Variants in CDH18 observed in about 807,000 individuals in gnomAD.
The protein encoded by CDH18 is cadherin-18.
In CDH18, 31 loss-of-function variants were observed where a neutral mutation model predicts 67.9. That is an observed-to-expected ratio of 0.46 (90% CI 0.34 to 0.62). CDH18 has a LOEUF of 0.62. Among genes scored for constraint, CDH18 ranks in the 20% least tolerant of loss-of-function variants. The pLI is 0.01. For synonymous variants in CDH18, 362 were observed against 347.2 expected (o/e 1.04, Z -0.48); for missense variants, 890 against 975.5 (o/e 0.91, Z 1.17).
intron 1 of CDH18, among the ~76,000 whole-genome samples, chr5:20,419,756 C>T (rs1288577572): frequency 1.3e-5 from 2 of 150,772 alleles, no homozygotes; most frequent in South Asian, 2.1e-4. Flanking sequence ...GGATTACAGG[C>T]GTGAGCCGCC....
chr5:20,452,214 G>A (rs1219842999), intron 1 of CDH18, among the ~76,000 whole-genome samples: 1 of 152,092 alleles, frequency 6.6e-6, no homozygotes, highest in East Asian at 1.9e-4. Flanking sequence ...AAAAATAATG[G>A]CATTATCATG....
rs186693353 is a variant in CDH18, at chr5:20,306,051, G to A, written c.-579-50546C>T. Among the ~76,000 whole-genome samples the A allele has an allele frequency of 6.0e-4, 91 of 152,282 alleles. 1 individual carries two copies. The highest frequency in any genetic ancestry group is 1.2e-3 in the Non-Finnish European group (81 of 68,024). On this transcript the variant is annotated intron_variant, in intron 1 of 14. Coordinates refer to the CDH18 transcript ENST00000507958. ...AGGAACGTGTTAAATCGTTTGCTGAGTAAAAGAGACAGTGCGATCAGAACT... is the reference window on the plus strand; with the variant it reads ...AGGAACGTGTTAAATCGTTTGCTGAATAAAAGAGACAGTGCGATCAGAACT...
chr5:20,424,545 A>G (rs1580970395), intron 1 of CDH18, among the ~76,000 whole-genome samples: 1 of 150,064 alleles, frequency 6.7e-6, no homozygotes, highest in East Asian at 2.0e-4. Flanking sequence ...TAAGGTCAGG[A>G]GTTCGAGACC....
chr5:19,539,895 A>T (rs1749978851), intron 9 of CDH18, among the ~76,000 whole-genome samples: 1 of 152,140 alleles, frequency 6.6e-6, no homozygotes, highest in South Asian at 2.1e-4. Flanking sequence ...AAACCATATT[A>T]TTCCACTCCT....
chr5:20,501,566 T>TAAA (rs1754295746), intron 1 of CDH18, among the ~76,000 whole-genome samples: 2 of 9,228 alleles, frequency 2.2e-4, no homozygotes, highest in Non-Finnish European at 5.4e-4. Context: ...AATATATATA[T>TAAA]ATAATATATA....
At chr5:20,527,390 C>T (rs1756138386) in intron 1 of CDH18, among the ~76,000 whole-genome samples, 1 of 151,926 alleles carries the variant, frequency 6.6e-6, no homozygotes, top group Non-Finnish European at 1.5e-5. Context: ...AGCCATTATT[C>T]AGATTCAGGA....
At chr5:19,495,681 T>A (rs1742181027) in intron 11 of CDH18, among the ~76,000 whole-genome samples, 1 of 130,470 alleles carries the variant, frequency 7.7e-6, no homozygotes, top group South Asian at 2.3e-4. Context: ...ATCCCGCCAT[T>A]GCACTACAGC....
chr5:20,449,540 T>C lies in CDH18; in HGVS notation c.-580+125922A>G, dbSNP rs548495007. The stretch of plus-strand genomic sequence containing the variant: ...TGGATTGATAGATCTATAACTGGTC[T>C]AGGTCATGTTTTAAAATATAATACC... On this transcript the variant is annotated intron_variant, in intron 1 of 14. Coordinates refer to the CDH18 transcript ENST00000507958. 7.2e-5 allele frequency among the ~76,000 whole-genome samples: 11 copies of C among 152,166 alleles called. No individual in the cohort carries two copies. In the East Asian group the frequency reaches 1.2e-3, roughly 16 times the overall value.
rs77369130 is a variant in CDH18, at chr5:20,375,166, C to A, written c.-579-119661G>T. Among the ~76,000 whole-genome samples, 1,109 of 152,200 alleles carry A rather than the reference C, an allele frequency of 7.3e-3. 17 individuals carry two copies. Among genetic ancestry groups the A allele is most frequent in the African/African-American group, 0.026 (1,064 of 41,540 alleles). Reference sequence around the variant, plus strand: ...CCCCTCTCTTAGCTTTTCTAAATTTCTTTTGTCTCAGTTATTCCTTATAAG... The same window carrying A: ...CCCCTCTCTTAGCTTTTCTAAATTTATTTTGTCTCAGTTATTCCTTATAAG... On this transcript the variant is annotated intron_variant, in intron 1 of 14. Transcript: ENST00000507958.
chr5:20,514,915 T>C (rs1755266668), intron 1 of CDH18, among the ~76,000 whole-genome samples: 1 of 152,086 alleles, frequency 6.6e-6, no homozygotes, highest in South Asian at 2.1e-4. Flanking sequence ...TTTTCTGAAC[T>C]CACTTATATA....
intron 2 of CDH18, among the ~76,000 whole-genome samples, chr5:19,905,801 T>C (rs1235373833): frequency 1.3e-5 from 2 of 151,838 alleles, no homozygotes; most frequent in Admixed American, 1.3e-4. Context: ...TTGCAAATGA[T>C]CTAAAATGAA....
At chr5:19,700,904 A>T in intron 5 of CDH18, among the ~76,000 whole-genome samples, 1 of 152,150 alleles carries the variant, frequency 6.6e-6, no homozygotes, top group Non-Finnish European at 1.5e-5. Flanking sequence ...TTTGTTAGAA[A>T]AGTGCAAAAA....
chr5:19,664,910 A>C (rs946711402), intron 5 of CDH18, among the ~76,000 whole-genome samples: 12 of 151,976 alleles, frequency 7.9e-5, no homozygotes, highest in African/African-American at 2.9e-4. Flanking sequence ...CTTGTAGAAT[A>C]AGGACTGACG....
At chr5:20,232,604 T>G (rs1470815176) in intron 2 of CDH18, among the ~76,000 whole-genome samples, 1 of 152,130 alleles carries the variant, frequency 6.6e-6, no homozygotes, top group Non-Finnish European at 1.5e-5. Flanking sequence ...TCTGTCACCA[T>G]GCCAGACGGC....
rs558200019 is a variant in CDH18, at chr5:20,365,432, G to A, written c.-579-109927C>T. Among the ~76,000 whole-genome samples the A allele has an allele frequency of 2.6e-5, 4 of 152,192 alleles. No homozygotes were observed. In the South Asian group the frequency reaches 8.3e-4, roughly 32 times the overall value. ...CACAAGCAATTCCTGATCTGCCGTG[G>A]GAAGAAGCTTGCACAAGCCTCCATT... On this transcript the variant is annotated intron_variant, in intron 1 of 14. Coordinates refer to the CDH18 transcript ENST00000507958.
chr5:19,805,386 C>T (rs1012234724), intron 3 of CDH18, among the ~76,000 whole-genome samples: 5 of 152,150 alleles, frequency 3.3e-5, no homozygotes, highest in Non-Finnish European at 7.3e-5. Flanking sequence ...TAATTTCAAA[C>T]TCTCTGTGAA....
At chr5:20,562,516 A>G (rs1346569674) in intron 1 of CDH18, among the ~76,000 whole-genome samples, 1 of 151,754 alleles carries the variant, frequency 6.6e-6, no homozygotes, top group East Asian at 1.9e-4. Context: ...TGTATATGAT[A>G]AAAATGTGTT....
chr5:20,356,757 A>C (rs376309618), intron 1 of CDH18, among the ~76,000 whole-genome samples: 1,524 of 146,238 alleles, frequency 0.01, 8 homozygotes, highest in South Asian at 0.019. Context: ...CTCTCTCTAT[A>C]TATATATATA....
chr5:20,133,349 G>A (rs1749427712), intron 2 of CDH18, among the ~76,000 whole-genome samples: 1 of 152,152 alleles, frequency 6.6e-6, no homozygotes, highest in African/African-American at 2.4e-5. Flanking sequence ...GAGTGTGTGC[G>A]GATGAACTGC....
Sources: gnomAD v4.1 joint callset for allele counts (sites outside exome capture counted in the v4.1 genomes callset) on GRCh38, gnomAD v4.1.1 for gene constraint, MANE v1.5 for transcripts, NCBI Gene and HGNC (gene_info 2026-07-23, HGNC 2026-07-21) for gene names.